ZSCAN12: variants seen among roughly 807,000 people sequenced by gnomAD.
The protein encoded by ZSCAN12 is zinc finger and SCAN domain containing 12, also known as zinc finger and SCAN domain-containing protein 12.
In ZSCAN12, 18 loss-of-function variants were observed where a neutral mutation model predicts 23.4. That is an observed-to-expected ratio of 0.77 (90% confidence interval 0.53 to 1.14). The LOEUF (loss-of-function observed/expected upper bound fraction) is 1.14. ZSCAN12 is among the 50% of genes most tolerant of loss of function. The pLI is 0.00. For synonymous variants in ZSCAN12, 186 were observed against 253.4 expected, an observed-to-expected ratio of 0.73 and a Z score of 2.53; for missense variants, 650 against 735.0, an observed-to-expected ratio of 0.88 and a Z score of 1.34.
At position 28,392,960 on chromosome 6, in the gene ZSCAN12, C is replaced by T; in HGVS notation, c.489G>A (p.Gln163=). The change falls in exon 3 of 4, where the codon CAG becomes CAA. Residue 163 remains glutamine (Q), a synonymous_variant. Coordinates refer to ENST00000684592, the MANE Select transcript of ZSCAN12 (RefSeq NM_001163391.2). ...CATACTTTGGCTGGGCTTTCATGGA[C>T]TGGAGGGACATACTGGGTTCTCCTT... The part of the protein sequence containing the change: ...RKEGEPSMSL[Q]SMKAQPKYES... The T allele has an allele frequency of 6.4e-7, 1 of 1,552,262 alleles. No individual in the cohort carries two copies. The highest frequency in any genetic ancestry group is 8.7e-7 in the Non-Finnish European group (1 of 1,147,104).
Position 28,385,689 on chromosome 6 carries a change from A to G in ZSCAN12, c.*4765T>C, listed in dbSNP as rs1760507292. ...ATTTCAGTTTCCCCAGCTGAAAGTG[A>G]AATGTTGTAAGTAAAGCATTTAGTA... On this transcript the variant is annotated 3_prime_UTR_variant, in exon 4 of 4. Transcript: ENST00000684592. Among the ~76,000 whole-genome samples, 1 of 152,216 alleles carries G rather than the reference A, an allele frequency of 6.6e-6. No individual in the cohort carries two copies. The highest frequency in any genetic ancestry group is 2.1e-4 in the South Asian group (1 of 4,826).
Position 28,386,682 on chromosome 6 carries a change from C to A in ZSCAN12, c.*3772G>T, listed in dbSNP as rs1323114451. ...AGCTCCAATTAGTAGCCTTATTCTA[C>A]TATATTTCCTCTTTATCCTGGAAAG... On this transcript the variant is annotated 3_prime_UTR_variant, in exon 4 of 4. Coordinates refer to ENST00000684592, the MANE Select transcript of ZSCAN12 (RefSeq NM_001163391.2). Among the ~76,000 whole-genome samples the A allele has an allele frequency of 6.6e-6, 1 of 152,210 alleles. No homozygotes were observed. The highest frequency in any genetic ancestry group is 1.5e-5 in the Non-Finnish European group (1 of 68,042).
intron 2 of ZSCAN12, 32 bp from the exon 3 acceptor site, chr6:28,393,078 A>C: frequency 6.5e-7 from 1 of 1,547,196 alleles, no homozygotes. Flanking sequence ...TGACAGACTC[A>C]CTCTGATAAC....
In ZSCAN12 at chr6:28,388,134, C is replaced by T. The variant is rs1307631263; in HGVS notation, c.*2320G>A. 6.6e-6 allele frequency among the ~76,000 whole-genome samples: 1 copy of T among 152,186 alleles called. No homozygotes were observed. Among genetic ancestry groups the T allele is most frequent in the East Asian group, 1.9e-4 (1 of 5,198 alleles). On this transcript the variant is annotated 3_prime_UTR_variant, in exon 4 of 4. Coordinates refer to ENST00000684592, the MANE Select transcript of ZSCAN12 (RefSeq NM_001163391.2). ...TACTTAGAGCTACAGAGCTCCCAGA[C>T]TCACTCTGGGTTCCTTGTTTCCTGG...
At chr6:28,383,934 A>G (rs1760418292), downstream of ZSCAN12, among the ~76,000 whole-genome samples, 1 of 152,196 alleles carries the variant, frequency 6.6e-6, no homozygotes, top group East Asian at 1.9e-4. Flanking sequence ...AACAATCAAA[A>G]TAGCAGTTGT....
Position 28,390,885 on chromosome 6 carries a change from A to T in ZSCAN12, c.1405T>A (p.Tyr469Asn). 1 of 1,572,572 alleles carries T rather than the reference A, an allele frequency of 6.4e-7. No homozygotes were observed. The highest frequency in any genetic ancestry group is 8.6e-7 in the Non-Finnish European group (1 of 1,158,408). The change falls in exon 4 of 4, where the codon TAC becomes AAC. Residue 469 changes from tyrosine (Y) to asparagine (N), a missense_variant. By Grantham distance (143) the Tyr-to-Asn change is moderately radical. Coordinates refer to ENST00000684592, the MANE Select transcript of ZSCAN12 (RefSeq NM_001163391.2). ...HQRIHTGEKP[Y>N]KCDVCEKAFI... ...GCTTTTTCACATACGTCACATTTGT[A>T]GGGTTTTTCCCCAGTGTGAATTCTC... is the stretch of plus-strand genomic sequence containing the variant.
In ZSCAN12 at chr6:28,391,459, A is replaced by C; in HGVS notation, c.831T>G (p.Asp277Glu). The change falls in exon 4 of 4, where the codon GAT becomes GAG. Residue 277 changes from aspartate to glutamate, a missense_variant. Asp to Glu is a conservative substitution (Grantham distance 45, BLOSUM62 2). Transcript: ENST00000684592. This position sits in a 1 kb window ranked among gnomAD's most constrained non-coding sequence, Gnocchi z 4.1. ...ICPGEESYGC[D>E]DCGKAFSQHS... ...GCTGACTAAAAGCTTTTCCACAGTCATCACATCCGTAAGATTCTTCTCCTG... is the reference window on the plus strand; with the variant it reads ...GCTGACTAAAAGCTTTTCCACAGTCCTCACATCCGTAAGATTCTTCTCCTG... The C allele has an allele frequency of 6.4e-7, 1 of 1,551,888 alleles. No homozygotes were observed. Among genetic ancestry groups the C allele is most frequent in the Non-Finnish European group, 8.7e-7 (1 of 1,147,032 alleles).
At chr6:28,393,106 C>G in intron 2 of ZSCAN12, 60 bp from the exon 3 acceptor site, 1 of 1,522,948 alleles carries the variant, frequency 6.6e-7, no homozygotes, top group East Asian at 2.5e-5. Context: ...AAAAAGTATA[C>G]TATTTGTGGC....
At chr6:28,380,586 T>C (rs1760181740), downstream of ZSCAN12, 1 of 153,792 alleles carries the variant, frequency 6.5e-6, no homozygotes, top group Non-Finnish European at 1.5e-5. Context: ...TTCCTTATGG[T>C]GACAGCATTT....
In ZSCAN12 at chr6:28,395,689, G is replaced by A. The variant is rs148571493; in HGVS notation, c.402+2315C>T. Among the ~76,000 whole-genome samples, 200 of 152,232 alleles carry A rather than the reference G, an allele frequency of 1.3e-3. 6 individuals carry two copies. In the South Asian group the frequency reaches 0.035, roughly 26 times the overall value. On this transcript the variant is annotated intron_variant, in intron 2 of 3. Transcript: ENST00000684592. ...GACTTTCCATCTCAGAATACAATTC[G>A]AAATTCTTATAATGGCCTACAAGTT... is the stretch of plus-strand genomic sequence containing the variant.
In ZSCAN12 at chr6:28,390,267, A is replaced by T. The variant is rs1760747717; in HGVS notation, c.*187T>A. Among the ~76,000 whole-genome samples, 1 of 152,182 alleles carries T rather than the reference A, an allele frequency of 6.6e-6. No homozygotes were observed. The stretch of plus-strand genomic sequence containing the variant: ...CAAACTAGGCTACAAACTCTCTGAG[A>T]AAAGAGTTTGGGGTTATCTTCTTGT... On this transcript the variant is annotated 3_prime_UTR_variant, in exon 4 of 4. Coordinates refer to ENST00000684592, the MANE Select transcript of ZSCAN12 (RefSeq NM_001163391.2).
At position 28,390,656 on chromosome 6, in the gene ZSCAN12, C is replaced by A. The variant is rs1760769190; in HGVS notation, c.1634G>T (p.Arg545Ile). The A allele has an allele frequency of 6.2e-7, 1 of 1,613,594 alleles. No homozygotes were observed. Among genetic ancestry groups the A allele is most frequent in the Admixed American group, 1.7e-5 (1 of 59,898 alleles). ...RGITSLIQHQ[R>I]IHTGEKPYQC... ...GTAGGGCTTCTCCCCAGTGTGGATT[C>A]TCTGATGCTGAATGAGGCTGGTGAT... Residue 545 changes from arginine (R) to isoleucine (I), a missense_variant, in exon 4 of 4, where the codon AGA becomes ATA. Coordinates refer to ENST00000684592, the MANE Select transcript of ZSCAN12 (RefSeq NM_001163391.2).
At chr6:28,397,938 C>T (rs1384265111) in intron 2 of ZSCAN12, 66 bp downstream of exon 2, 4 of 1,457,698 alleles carry the variant, frequency 2.7e-6, no homozygotes, top group Non-Finnish European at 3.6e-6. Flanking sequence ...AATGGCTGTT[C>T]TTCACTCTGG....
chr6:28,390,627 A>T lies in ZSCAN12; in HGVS notation c.1663T>A (p.Cys555Ser). 6.2e-7 allele frequency: 1 copy of T among 1,613,062 alleles called. No individual in the cohort carries two copies. The highest frequency in any genetic ancestry group is 1.3e-5 in the African/African-American group (1 of 75,004). Reference protein sequence around the residue: ...RIHTGEKPYQCDECGKAFRQR... With the variant: ...RIHTGEKPYQSDECGKAFRQR... ...CTGAAGGCTTTTCCACACTCATCAC[A>T]TTGGTAGGGCTTCTCCCCAGTGTGG... is the stretch of plus-strand genomic sequence containing the variant. Residue 555 changes from cysteine (C) to serine (S), a missense_variant, in exon 4 of 4, where the codon TGT (cysteine) becomes AGT (serine). By Grantham distance (112) the Cys-to-Ser change is moderately radical. Coordinates refer to ENST00000684592, the MANE Select transcript of ZSCAN12 (RefSeq NM_001163391.2).
chr6:28,389,970 T>C lies in ZSCAN12; in HGVS notation c.*484A>G, dbSNP rs896081366. ...GAACCTTTTACTTCAGGTTGGCTAGTCTTTTCCCTGATGCTTCCAAACCAC... is the reference window on the plus strand; with the variant it reads ...GAACCTTTTACTTCAGGTTGGCTAGCCTTTTCCCTGATGCTTCCAAACCAC... On this transcript the variant is annotated 3_prime_UTR_variant, in exon 4 of 4. Coordinates refer to ENST00000684592, the MANE Select transcript of ZSCAN12 (RefSeq NM_001163391.2). Among the ~76,000 whole-genome samples the C allele has an allele frequency of 1.3e-4, 20 of 152,202 alleles. No individual in the cohort carries two copies. Among genetic ancestry groups the C allele is most frequent in the Non-Finnish European group, 2.9e-4 (20 of 68,030 alleles).
In ZSCAN12 at chr6:28,391,721, T is replaced by C; in HGVS notation, c.569A>G (p.Asn190Ser). ...QEQVLDVETG[N>S]EYGNLKQEVS... ...TTCTTGCTTTAAATTCCCATACTCATTTCCAGTCTCAACATCTAAAACTAA... is the reference window on the plus strand; with the variant it reads ...TTCTTGCTTTAAATTCCCATACTCACTTCCAGTCTCAACATCTAAAACTAA... Residue 190 changes from asparagine to serine, a missense_variant, in exon 4 of 4, where the codon AAT (asparagine) becomes AGT (serine). Physicochemically the swap from Asn to Ser is conservative, Grantham distance 46. Coordinates refer to ENST00000684592, the MANE Select transcript of ZSCAN12 (RefSeq NM_001163391.2). The surrounding 1 kb of genome is among the most constrained non-coding windows in gnomAD (Gnocchi z 4.1). 1 of 1,535,804 alleles carries C rather than the reference T, an allele frequency of 6.5e-7. No homozygotes were observed.
At position 28,384,957 on chromosome 6, in the gene ZSCAN12, T is replaced by C. The variant is rs1017287356; in HGVS notation, c.*5497A>G. Among the ~76,000 whole-genome samples the C allele has an allele frequency of 6.6e-6, 1 of 152,204 alleles. No homozygotes were observed. The highest frequency in any genetic ancestry group is 2.4e-5 in the African/African-American group (1 of 41,438). ...TTAAAGGCTATCGAATGATTATGTC[T>C]AGGTTGAACAACAAGCATTTGCTCA... On this transcript the variant is annotated 3_prime_UTR_variant, in exon 4 of 4. Coordinates refer to ENST00000684592, the MANE Select transcript of ZSCAN12 (RefSeq NM_001163391.2).
At position 28,386,874 on chromosome 6, in the gene ZSCAN12, C is replaced by A. The variant is rs1054247379; in HGVS notation, c.*3580G>T. On this transcript the variant is annotated 3_prime_UTR_variant, in exon 4 of 4. Coordinates refer to ENST00000684592, the MANE Select transcript of ZSCAN12 (RefSeq NM_001163391.2). The stretch of plus-strand genomic sequence containing the variant: ...GATGGAGTCTTGCTCTGTCACCAGG[C>A]GGGAGAGCAGTGGTGCCATCTCAGC... 6.6e-6 allele frequency among the ~76,000 whole-genome samples: 1 copy of A among 152,134 alleles called. No individual in the cohort carries two copies. Among genetic ancestry groups the A allele is most frequent in the Non-Finnish European group, 1.5e-5 (1 of 68,036 alleles).
intron 2 of ZSCAN12, among the ~76,000 whole-genome samples, chr6:28,393,960 C>T (rs1224292698): frequency 1.3e-5 from 2 of 152,224 alleles, no homozygotes; most frequent in Admixed American, 1.3e-4. Context: ...TTATCTATCT[C>T]CACCCTCATA....
Sources: allele counts gnomAD v4.1 joint callset (sites outside exome capture counted in the v4.1 genomes callset), GRCh38; gene constraint gnomAD v4.1.1; non-coding constraint Gnocchi (gnomAD v3.1); transcripts MANE v1.5; gene names NCBI Gene and HGNC (gene_info 2026-07-23, HGNC 2026-07-21).